Variants in COL15A1 observed in about 807,000 individuals in gnomAD.
The protein encoded by COL15A1 is collagen alpha-1(XV) chain.
In COL15A1, 111 loss-of-function variants were observed where a neutral mutation model predicts 165.9. The observed-to-expected ratio is 0.67, with a 90% CI of 0.57 to 0.78. The LOEUF (loss-of-function observed/expected upper bound fraction) is 0.78. COL15A1 is among the 30% of genes least tolerant of loss of function. COL15A1 has a pLI of 0.00. For synonymous variants in COL15A1, 659 were observed against 674.8 expected, an observed-to-expected ratio of 0.98 and a Z score of 0.36; for missense variants, 1,745 against 1,789.7, an observed-to-expected ratio of 0.98 and a Z score of 0.45.
At position 98,989,390 on chromosome 9, in the gene COL15A1, G is replaced by T. The variant is rs142671851; in HGVS notation, c.804+132G>T. 3.3e-3 allele frequency: 2,285 copies of T among 699,888 alleles called. 19 individuals are homozygous for T. Among genetic ancestry groups the T allele is most frequent in the South Asian group, 3.0e-3 (155 of 51,724 alleles). The allele number at this position is 699,888 out of a possible 1,614,324, so 43.4% of individuals were successfully genotyped here. The stretch of plus-strand genomic sequence containing the variant: ...TGTGAGCTTAATCGTTGACTCATCT[G>T]GGGGGGTCAGGAAAATAATGGCCAA... On this transcript the variant is annotated intron_variant, in intron 5 of 41. Coordinates refer to ENST00000375001, the MANE Select transcript of COL15A1 (RefSeq NM_001855.5).
At chr9:98,996,472 T>G (rs1838544261) in intron 5 of COL15A1, among the ~76,000 whole-genome samples, 1 of 152,268 alleles carries the variant, frequency 6.6e-6, no homozygotes, top group African/African-American at 2.4e-5. Flanking sequence ...ATATAGATGC[T>G]GAAGTTTCCT....
At chr9:98,985,527 A>G (rs1245055466) in intron 2 of COL15A1, 38 bp from the exon 3 acceptor site, 3 of 1,570,352 alleles carry the variant, frequency 1.9e-6, no homozygotes, top group Non-Finnish European at 1.7e-6. Flanking sequence ...AAAGTGGAAT[A>G]TACCTGTAAA....
intron 2 of COL15A1, among the ~76,000 whole-genome samples, chr9:98,968,251 A>T (rs1160663626): frequency 2.6e-5 from 4 of 152,246 alleles, no homozygotes; most frequent in Non-Finnish European, 4.4e-5. Flanking sequence ...GCACACAGTA[A>T]GTAAGCATTC....
At chr9:99,010,071 T>A (rs1333899819) in intron 9 of COL15A1, among the ~76,000 whole-genome samples, 1 of 152,260 alleles carries the variant, frequency 6.6e-6, no homozygotes, top group Non-Finnish European at 1.5e-5. Context: ...CTTGAGGAGT[T>A]GAATAGCTTT....
chr9:99,041,416 G>A (rs1174176983), intron 23 of COL15A1: 1 of 152,140 alleles, frequency 6.6e-6, no homozygotes, highest in Non-Finnish European at 1.5e-5. Flanking sequence ...CATTGTCACA[G>A]GCATTCAGTG....
At chr9:99,066,794 C>T in intron 39 of COL15A1, 88 bp from the exon 40 acceptor site, 1 of 1,263,356 alleles carries the variant, frequency 7.9e-7, no homozygotes, top group South Asian at 1.4e-5. Context: ...CCTAAGAAGT[C>T]TGGAATCTTT....
chr9:99,025,810 C>A, intron 15 of COL15A1, 94 bp from the exon 16 acceptor site: 1 of 1,380,154 alleles, frequency 7.2e-7, no homozygotes, highest in Non-Finnish European at 1.0e-6. Flanking sequence ...ACCAGCCTCA[C>A]CTGCCTCCCA....
chr9:98,970,061 A>C (rs1056151412), intron 2 of COL15A1, among the ~76,000 whole-genome samples: 69 of 144,036 alleles, frequency 4.8e-4, no homozygotes, highest in African/African-American at 1.7e-3. Flanking sequence ...AAAAAAAAAA[A>C]GTCTCCCCAG....
chr9:98,955,249 A>G (rs1387408181), intron 2 of COL15A1, among the ~76,000 whole-genome samples: 2 of 152,226 alleles, frequency 1.3e-5, no homozygotes, highest in Non-Finnish European at 2.9e-5. Context: ...TGAGTCCCAG[A>G]GAGGGACTCC....
At chr9:98,978,877 C>T (rs1021226061) in intron 2 of COL15A1, among the ~76,000 whole-genome samples, 2 of 152,048 alleles carry the variant, frequency 1.3e-5, no homozygotes, top group African/African-American at 4.8e-5. Flanking sequence ...CAACCACTGC[C>T]CCGTTTCTTG....
At chr9:99,016,376 C>CT (rs1838935357) in intron 11 of COL15A1, among the ~76,000 whole-genome samples, 1 of 152,200 alleles carries the variant, frequency 6.6e-6, no homozygotes, top group Admixed American at 6.5e-5. Context: ...GAAATGAGAT[C>CT]TAACAGTCAG....
intron 2 of COL15A1, among the ~76,000 whole-genome samples, chr9:98,976,151 C>CGG (rs144425564): frequency 0.013 from 1,999 of 152,302 alleles, 48 homozygotes; most frequent in African/African-American, 0.045. Context: ...TCCAGCACTA[C>CGG]ACAAGGCACA....
At chr9:99,017,703 T>C (rs1838959693) in intron 11 of COL15A1, among the ~76,000 whole-genome samples, 1 of 152,116 alleles carries the variant, frequency 6.6e-6, no homozygotes, top group Non-Finnish European at 1.5e-5. Context: ...TCCCAAACAA[T>C]GTCCCCCTGC....
rs551788109 is a variant in COL15A1 at position 98,951,432 on chromosome 9, C to G, written c.100+7182C>G. On this transcript the variant is annotated intron_variant, in intron 2 of 41. Coordinates refer to ENST00000375001, the MANE Select transcript of COL15A1 (RefSeq NM_001855.5). ...CCTGAGATGGAGTCATGCTCCTGGCCCCAGAGGACCCTGCCTTCCTCCACT... is the reference window on the plus strand; with the variant it reads ...CCTGAGATGGAGTCATGCTCCTGGCGCCAGAGGACCCTGCCTTCCTCCACT... Among the ~76,000 whole-genome samples the G allele has an allele frequency of 2.0e-5, 3 of 152,236 alleles. No individual in the cohort carries two copies. In the East Asian group the frequency reaches 5.8e-4, roughly 29 times the overall value.
Position 99,070,694 on chromosome 9 carries a change from A to C in COL15A1, c.*808A>C. On this transcript the variant is annotated 3_prime_UTR_variant, in exon 42 of 42. Transcript: ENST00000375001. ...TGAAACAAACAGGTTCATAGAGATG[A>C]ATTTTCTGAGAAACATATATCTACA... is the stretch of plus-strand genomic sequence containing the variant. The C allele has an allele frequency of 2.3e-6, 1 of 435,938 alleles. No homozygotes were observed. The highest frequency in any genetic ancestry group is 4.6e-6 in the Non-Finnish European group (1 of 219,288). The allele number at this position is 435,938 out of a possible 1,614,324, so 27.0% of individuals were successfully genotyped here. A position where few individuals can be genotyped will look rare whatever the true frequency, so the allele number is the denominator to read the frequency against.
At chr9:98,990,952 G>A (rs1469868516) in intron 5 of COL15A1, among the ~76,000 whole-genome samples, 1 of 152,070 alleles carries the variant, frequency 6.6e-6, no homozygotes, top group African/African-American at 2.4e-5. Context: ...CTTCCTTCTG[G>A]TGGGTTCCTG....
intron 16 of COL15A1, among the ~76,000 whole-genome samples, chr9:99,032,689 ATC>A (rs1839227645): frequency 6.6e-6 from 1 of 151,958 alleles, no homozygotes; most frequent in Admixed American, 6.6e-5. Context: ...TGTGGCTTCT[ATC>A]TCTCTTACTA....
At chr9:98,963,721 T>A (rs1327147019) in intron 2 of COL15A1, among the ~76,000 whole-genome samples, 1 of 152,076 alleles carries the variant, frequency 6.6e-6, no homozygotes, top group Non-Finnish European at 1.5e-5. Flanking sequence ...TGGTGGTGGG[T>A]GATGGGTATA....
intron 2 of COL15A1, among the ~76,000 whole-genome samples, chr9:98,974,728 CCCCTCAG>C (rs761773051): frequency 2.6e-5 from 4 of 152,162 alleles, no homozygotes; most frequent in Non-Finnish European, 5.9e-5. Context: ...TCATCTGGAC[CCCCTCAG>C]CCCCGGCCCC....
Sources: allele counts gnomAD v4.1 joint callset (sites outside exome capture counted in the v4.1 genomes callset), GRCh38; gene constraint gnomAD v4.1.1; transcripts MANE v1.5; gene names NCBI Gene and HGNC (gene_info 2026-07-23, HGNC 2026-07-21).